OR10H3: variants seen among roughly 807,000 people sequenced by gnomAD.
OR10H3 encodes the protein olfactory receptor 10H3.
OR10H3 carries 15 observed loss-of-function variants against 11.1 expected under a neutral mutation model. The ratio of observed to expected loss-of-function variants is 1.36; its 90% confidence interval spans 0.91 to 2.09. OR10H3 has a LOEUF of 2.09. OR10H3 is among the 30% of genes most tolerant of loss of function. OR10H3 has a pLI of 0.00. For synonymous variants in OR10H3, 149 were observed against 142.1 expected, an observed-to-expected ratio of 1.05 and a Z score of -0.35; for missense variants, 403 against 391.5, an observed-to-expected ratio of 1.03 and a Z score of -0.25.
intron 1 of OR10H3, among the ~76,000 whole-genome samples, chr19:15,740,946 T>C (rs1431787217): frequency 6.6e-6 from 1 of 152,182 alleles, no homozygotes; most frequent in Non-Finnish European, 1.5e-5. Context: ...AAATGAGTAT[T>C]AAAATAAATG....
chr19:15,739,882 TG>T (rs2008679315), intron 1 of OR10H3, among the ~76,000 whole-genome samples: 1 of 152,168 alleles, frequency 6.6e-6, no homozygotes. Context: ...CATGTGTGTG[TG>T]TGTGAGATGT....
Position 15,741,727 on chromosome 19 carries a change from A to T in OR10H3, c.335A>T (p.His112Leu), listed in dbSNP as rs778336689. 1 of 1,612,594 alleles carries T rather than the reference A, an allele frequency of 6.2e-7. No individual in the cohort carries two copies. The highest frequency in any genetic ancestry group is 1.7e-5 in the Admixed American group (1 of 59,828). ...MFFSFMFGFT[H>L]SFLLMVMGYD... Reference sequence around the variant, plus strand: ...TTCTCCTTCATGTTTGGCTTCACTCACTCCTTCCTTCTCATGGTCATGGGC... The same window carrying T: ...TTCTCCTTCATGTTTGGCTTCACTCTCTCCTTCCTTCTCATGGTCATGGGC... Residue 112 changes from histidine (H) to leucine (L), a missense_variant, in exon 2 of 2, where the codon CAC becomes CTC. Physicochemically the swap from His to Leu is moderately conservative, Grantham distance 99. Transcript: ENST00000641646.
intron 1 of OR10H3, among the ~76,000 whole-genome samples, chr19:15,740,772 T>G (rs941831641): frequency 6.6e-6 from 1 of 152,248 alleles, no homozygotes; most frequent in Non-Finnish European, 1.5e-5. Context: ...GATCATTGTT[T>G]CCTTAAATTC....
intron 1 of OR10H3, among the ~76,000 whole-genome samples, chr19:15,740,862 T>C (rs1424504856): frequency 6.6e-6 from 1 of 152,238 alleles, no homozygotes; most frequent in Non-Finnish European, 1.5e-5. Flanking sequence ...CCTTTTATTT[T>C]TGAATTTTCT....
rs931061122 is a variant in OR10H3, at chr19:15,738,035, A to G, written c.-28A>G. On this transcript the variant is annotated 5_prime_UTR_variant, in exon 1 of 2. Coordinates refer to ENST00000641646, the MANE Select transcript of OR10H3 (RefSeq NM_013938.2). Reference sequence around the variant, plus strand: ...CACTCACGAATTTCAGCTCCATGTTAAAGAACAGCGGAATTAGTGAGTATC... The same window carrying G: ...CACTCACGAATTTCAGCTCCATGTTGAAGAACAGCGGAATTAGTGAGTATC... 1.3e-5 allele frequency: 2 copies of G among 152,854 alleles called. No individual in the cohort carries two copies. Among genetic ancestry groups the G allele is most frequent in the African/African-American group, 2.4e-5 (1 of 41,460 alleles). The allele number at this position is 152,854 out of a possible 1,614,324, so 9.5% of individuals were successfully genotyped here. A position where few individuals can be genotyped will look rare whatever the true frequency, so the allele number is the denominator to read the frequency against.
chr19:15,741,084 C>G (rs577599335), intron 1 of OR10H3, among the ~76,000 whole-genome samples: 9 of 152,312 alleles, frequency 5.9e-5, no homozygotes, highest in Middle Eastern at 3.4e-3. Flanking sequence ...ATCATCCATG[C>G]CTGTCTCTAA....
chr19:15,740,550 C>T (rs1384276590), intron 1 of OR10H3, among the ~76,000 whole-genome samples: 1 of 152,160 alleles, frequency 6.6e-6, no homozygotes, highest in Non-Finnish European at 1.5e-5. Context: ...CTTGTTCCTC[C>T]ATCTTCTGTA....
At chr19:15,741,342 T>C in intron 1 of OR10H3, 40 bp from the exon 2 acceptor site, 1 of 1,357,932 alleles carries the variant, frequency 7.4e-7, no homozygotes, top group South Asian at 1.3e-5. Context: ...GAGTCTAAGT[T>C]TTAACCACTG....
Position 15,742,316 on chromosome 19 carries a change from C to G in OR10H3, c.924C>G (p.Cys308Trp). 6.2e-7 allele frequency: 1 copy of G among 1,613,704 alleles called. No individual in the cohort carries two copies. The highest frequency in any genetic ancestry group is 8.5e-7 in the Non-Finnish European group (1 of 1,179,810). ...AGAATGCCATAAATAAAAACTTTTG[C>G]AGAAGGTTCTGCCCTCTAAGCTCCT... ...ELKNAINKNFCRRFCPLSS is the reference protein window; with the variant it reads ...ELKNAINKNFWRRFCPLSS Residue 308 changes from cysteine to tryptophan, a missense_variant, in exon 2 of 2, where the codon TGC (cysteine) becomes TGG (tryptophan). Coordinates refer to ENST00000641646, the MANE Select transcript of OR10H3 (RefSeq NM_013938.2).
chr19:15,741,548 T>C lies in OR10H3; in HGVS notation c.156T>C (p.Ile52=). The C allele has an allele frequency of 1.2e-6, 2 of 1,614,218 alleles. No homozygotes were observed. The highest frequency in any genetic ancestry group is 1.7e-6 in the Non-Finnish European group (2 of 1,180,020). The change falls in exon 2 of 2, where the codon ATT becomes ATC. Residue 52 remains isoleucine (I), a synonymous_variant. Transcript: ENST00000641646. ...GNLLIMATVW[I]ERRLHTPMYL... ...TTCTTATCATGGCCACAGTTTGGAT[T>C]GAACGCAGACTCCACACACCCATGT...
chr19:15,740,735 A>G (rs1035360770), intron 1 of OR10H3, among the ~76,000 whole-genome samples: 2 of 152,224 alleles, frequency 1.3e-5, no homozygotes, highest in Non-Finnish European at 2.9e-5. Flanking sequence ...ACTTCCCTGT[A>G]GAGGTGTATT....
chr19:15,741,975 T>A lies in OR10H3; in HGVS notation c.583T>A (p.Ser195Thr). The change falls in exon 2 of 2, where the codon TCA becomes ACA. Residue 195 changes from serine (S) to threonine (T), a missense_variant. Physicochemically the swap from Ser to Thr is moderately conservative, Grantham distance 58. Transcript: ENST00000641646. ...GAAGTTGGCCTGTGGGAGCAAGACA[T>A]CATCTGTCATCATGGGTGTGATGCT... ...LLKLACGSKT[S>T]SVIMGVMLVC... 6.2e-7 allele frequency: 1 copy of A among 1,614,166 alleles called. No individual in the cohort carries two copies. Among genetic ancestry groups the A allele is most frequent in the Non-Finnish European group, 8.5e-7 (1 of 1,180,030 alleles).
chr19:15,739,123 A>G (rs1178848978), intron 1 of OR10H3, among the ~76,000 whole-genome samples: 1 of 152,148 alleles, frequency 6.6e-6, no homozygotes, highest in Non-Finnish European at 1.5e-5. Flanking sequence ...TCTTCCAAAC[A>G]CATGAGATTT....
chr19:15,740,006 C>G (rs11668111), intron 1 of OR10H3, among the ~76,000 whole-genome samples: 47,805 of 150,830 alleles, frequency 0.32, 8,172 homozygotes, highest in African/African-American at 0.43. Flanking sequence ...TATAATCCCA[C>G]CACTTTGGGA....
At chr19:15,738,243 T>C (rs1033347515) in intron 1 of OR10H3, among the ~76,000 whole-genome samples, 192 bp downstream of exon 1, 1 of 152,220 alleles carries the variant, frequency 6.6e-6, no homozygotes, top group African/African-American at 2.4e-5. Context: ...TATGCCTTGA[T>C]TGAAATAATC....
In OR10H3 at chr19:15,742,296, G is replaced by C. The variant is rs2008713581; in HGVS notation, c.904G>C (p.Ala302Pro). ...TCTAAGGAACAAGGAGCTGAAGAATGCCATAAATAAAAACTTTTGCAGAAG... is the reference window on the plus strand; with the variant it reads ...TCTAAGGAACAAGGAGCTGAAGAATCCCATAAATAAAAACTTTTGCAGAAG... ...FSLRNKELKN[A>P]INKNFCRRFC... Residue 302 changes from alanine to proline, a missense_variant, in exon 2 of 2, where the codon GCC becomes CCC. Transcript: ENST00000641646. 7 of 1,613,772 alleles carry C rather than the reference G, an allele frequency of 4.3e-6. No individual in the cohort carries two copies. Among genetic ancestry groups the C allele is most frequent in the Non-Finnish European group, 5.9e-6 (7 of 1,179,952 alleles).
chr19:15,741,758 T>A lies in OR10H3; in HGVS notation c.366T>A (p.Asp122Glu), dbSNP rs1309291529. ...HSFLLMVMGY[D>E]HYVTICHPLH... ...TCCTTCTCATGGTCATGGGCTATGA[T>A]CACTACGTGACCATCTGCCACCCAC... The change falls in exon 2 of 2, where the codon GAT becomes GAA. Residue 122 changes from aspartate (D) to glutamate (E), a missense_variant. Physicochemically the swap from Asp to Glu is conservative, Grantham distance 45. Coordinates refer to ENST00000641646, the MANE Select transcript of OR10H3 (RefSeq NM_013938.2). The A allele has an allele frequency of 9.3e-6, 15 of 1,614,068 alleles. No homozygotes were observed. Among genetic ancestry groups the A allele is most frequent in the Non-Finnish European group, 1.3e-5 (15 of 1,180,032 alleles).
At chr19:15,740,341 G>A (rs2008683941) in intron 1 of OR10H3, among the ~76,000 whole-genome samples, 1 of 152,140 alleles carries the variant, frequency 6.6e-6, no homozygotes, top group Non-Finnish European at 1.5e-5. Context: ...TAATCAAAAT[G>A]TTCTCTATTG....
chr19:15,740,583 G>A (rs2008686504), intron 1 of OR10H3, among the ~76,000 whole-genome samples: 1 of 152,114 alleles, frequency 6.6e-6, no homozygotes, highest in Non-Finnish European at 1.5e-5. Flanking sequence ...TTTTTGACTA[G>A]TGGGCATCTT....
Sources: gnomAD v4.1 joint callset for allele counts (sites outside exome capture counted in the v4.1 genomes callset) on GRCh38, gnomAD v4.1.1 for gene constraint, MANE v1.5 for transcripts, NCBI Gene and HGNC (gene_info 2026-07-23, HGNC 2026-07-21) for gene names.